The following TAFA2 variants were observed in gnomAD, a reference collection of about 807,000 sequenced individuals.
TAFA2 encodes TAFA chemokine like family member 2, also known as chemokine-like protein TAFA-2.
TAFA2 carries 7 observed loss-of-function variants against 18.8 expected under a neutral mutation model. The ratio of observed to expected loss-of-function variants is 0.37; its 90% confidence interval spans 0.21 to 0.70. TAFA2 has a LOEUF of 0.70. TAFA2 is among the 30% of genes least tolerant of loss of function. The pLI is 0.53. For missense variants in TAFA2, 122 were observed against 158.1 expected, an observed-to-expected ratio of 0.77 and a Z score of 1.23; for synonymous variants, 60 against 54.2, an observed-to-expected ratio of 1.11 and a Z score of -0.47.
At position 61,938,230 on chromosome 12, in the gene TAFA2, TAAA is replaced by T. The variant is rs1157161976; in HGVS notation, c.-1-70807_-1-70805del. ...ACAACTTGTACCACAATAGATATGG[TAAA>T]AAAAAAAAAAAAAAAAAAGGGAAAA... On this transcript the variant is annotated intron_variant, in intron 1 of 4. Coordinates refer to ENST00000416284, the MANE Select transcript of TAFA2 (RefSeq NM_178539.5). 3.4e-3 allele frequency among the ~76,000 whole-genome samples: 330 copies of T among 98,436 alleles called. 3 individuals carry two copies. Among genetic ancestry groups the T allele is most frequent in the African/African-American group, 0.012 (302 of 26,180 alleles). The allele number at this position is 98,436 out of a possible 152,430, so 64.6% of individuals were successfully genotyped here.
chr12:62,162,376 A>G (rs1031968143), intron 1 of TAFA2, among the ~76,000 whole-genome samples: 2 of 152,236 alleles, frequency 1.3e-5, no homozygotes, highest in African/African-American at 4.8e-5. Context: ...GCTGCTGTCA[A>G]GTCCTCTTAC....
chr12:61,979,427 T>G (rs1159000382), intron 1 of TAFA2, among the ~76,000 whole-genome samples: 2 of 151,960 alleles, frequency 1.3e-5, no homozygotes, highest in Non-Finnish European at 2.9e-5. Flanking sequence ...ATCATATGAA[T>G]AAAAAATGGA....
At chr12:62,015,870 G>T (rs1028286922) in intron 1 of TAFA2, among the ~76,000 whole-genome samples, 5 of 152,168 alleles carry the variant, frequency 3.3e-5, no homozygotes, top group African/African-American at 4.8e-5. Context: ...AAGTAGAATG[G>T]TGGTTGCCAG....
At chr12:61,890,569 C>T (rs1023578172) in intron 1 of TAFA2, 1 of 152,210 alleles carries the variant, frequency 6.6e-6, no homozygotes, top group Non-Finnish European at 1.5e-5. Context: ...CAAAGCATTT[C>T]CTATACCAGA....
intron 1 of TAFA2, among the ~76,000 whole-genome samples, chr12:62,062,745 G>T (rs1369492290): frequency 6.6e-6 from 1 of 152,122 alleles, no homozygotes; most frequent in Non-Finnish European, 1.5e-5. Flanking sequence ...GGCTCTAGAG[G>T]TGAATCCATT....
chr12:62,140,956 T>C (rs1319699605), intron 1 of TAFA2, among the ~76,000 whole-genome samples: 13 of 152,192 alleles, frequency 8.5e-5, no homozygotes, highest in Admixed American at 8.5e-4. Flanking sequence ...CCACTGTTCA[T>C]GTTTTATCTT....
intron 4 of TAFA2, among the ~76,000 whole-genome samples, chr12:61,738,154 A>C (rs984399444): frequency 6.6e-6 from 1 of 152,008 alleles, no homozygotes; most frequent in African/African-American, 2.4e-5. Context: ...TTAACGTTAT[A>C]TTAGTAATAG....
At chr12:62,072,260 C>T (rs1030993661) in intron 1 of TAFA2, among the ~76,000 whole-genome samples, 3 of 151,442 alleles carry the variant, frequency 2.0e-5, no homozygotes, top group African/African-American at 7.3e-5. Flanking sequence ...GTCAGGAGAT[C>T]GAGACCACCC....
chr12:61,974,811 C>T (rs1879371695), intron 1 of TAFA2, among the ~76,000 whole-genome samples: 1 of 151,650 alleles, frequency 6.6e-6, no homozygotes, highest in African/African-American at 2.4e-5. Context: ...AGAGTAAGGT[C>T]TTTTTTAACT....
chr12:61,804,291 T>C (rs1871520493), intron 2 of TAFA2, among the ~76,000 whole-genome samples: 1 of 152,104 alleles, frequency 6.6e-6, no homozygotes, highest in South Asian at 2.1e-4. Flanking sequence ...GTTAACATTA[T>C]TATGTCTATC....
chr12:61,880,501 G>T, intron 1 of TAFA2: 2 of 529,484 alleles, frequency 3.8e-6, no homozygotes, highest in Non-Finnish European at 7.7e-6. Flanking sequence ...CCTACAAGAA[G>T]CTGCTGGAGG....
intron 1 of TAFA2, among the ~76,000 whole-genome samples, chr12:62,168,790 T>C (rs1251380483): frequency 6.6e-6 from 1 of 152,070 alleles, no homozygotes; most frequent in African/African-American, 2.4e-5. Context: ...TGAGTTATGA[T>C]TGCACCACTG....
chr12:61,930,353 G>T (rs1188700781), intron 1 of TAFA2, among the ~76,000 whole-genome samples: 1 of 152,084 alleles, frequency 6.6e-6, no homozygotes, highest in Non-Finnish European at 1.5e-5. Flanking sequence ...TTATAAGGAA[G>T]TTTACATCTT....
chr12:61,925,066 G>A (rs1444418547), intron 1 of TAFA2, among the ~76,000 whole-genome samples: 1 of 152,098 alleles, frequency 6.6e-6, no homozygotes, highest in Non-Finnish European at 1.5e-5. Flanking sequence ...ACCCAATACA[G>A]GAGCACCCAT....
At chr12:62,141,405 C>T (rs945878197) in intron 1 of TAFA2, among the ~76,000 whole-genome samples, 1 of 152,142 alleles carries the variant, frequency 6.6e-6, no homozygotes, top group Non-Finnish European at 1.5e-5. Context: ...TTCCTAGCAC[C>T]GTTGGTCAGG....
intron 4 of TAFA2, among the ~76,000 whole-genome samples, chr12:61,734,525 T>TA (rs996631206): frequency 2.3e-4 from 35 of 151,682 alleles, no homozygotes; most frequent in Admixed American, 1.2e-3. Context: ...AATAATAAAA[T>TA]AAAAAAAACT....
At chr12:62,245,785 A>G (rs2062882748) in intron 1 of TAFA2, among the ~76,000 whole-genome samples, 1 of 148,478 alleles carries the variant, frequency 6.7e-6, no homozygotes, top group Non-Finnish European at 1.5e-5. Flanking sequence ...TGCCTTTTCA[A>G]AAGATCAGAT....
intron 2 of TAFA2, among the ~76,000 whole-genome samples, chr12:61,786,001 C>T (rs1273605100): frequency 1.3e-5 from 2 of 151,502 alleles, no homozygotes; most frequent in Non-Finnish European, 3.0e-5. Context: ...AGCTAGAGTT[C>T]ACAGAGATTA....
At chr12:61,920,341 C>T (rs1017023033) in intron 1 of TAFA2, among the ~76,000 whole-genome samples, 1 of 152,132 alleles carries the variant, frequency 6.6e-6, no homozygotes, top group African/African-American at 2.4e-5. Context: ...AAAGCAGAAA[C>T]TTGAAACTTC....
Sources: allele counts gnomAD v4.1 joint callset (sites outside exome capture counted in the v4.1 genomes callset), GRCh38; gene constraint gnomAD v4.1.1; transcripts MANE v1.5; gene names NCBI Gene and HGNC (gene_info 2026-07-23, HGNC 2026-07-21).